REEP3: variants seen among roughly 807,000 people sequenced by gnomAD.
REEP3 encodes the protein receptor accessory protein 3.
In REEP3, 20 loss-of-function variants were observed where a neutral mutation model predicts 41.3. That is an observed-to-expected ratio of 0.48 (90% CI 0.34 to 0.70). The LOEUF is 0.70. Ranked by LOEUF, REEP3 falls within the 30% of genes least tolerant of loss-of-function variation. The probability of loss-of-function intolerance (pLI) is 0.01; values close to 1 mark genes in which losing one functional copy is unlikely to be tolerated. For synonymous variants in REEP3, 104 were observed against 101.8 expected, an observed-to-expected ratio of 1.02 and a Z score of -0.13; for missense variants, 271 against 308.8, an observed-to-expected ratio of 0.88 and a Z score of 0.92.
intron 1 of REEP3, among the ~76,000 whole-genome samples, chr10:63,556,829 G>T (rs1029456908): frequency 1.3e-5 from 2 of 150,136 alleles, no homozygotes; most frequent in Non-Finnish European, 1.5e-5. Flanking sequence ...TAGAGACGGG[G>T]TTTCACCGTT....
intron 6 of REEP3, among the ~76,000 whole-genome samples, chr10:63,618,470 A>AT (rs1956329525): frequency 6.6e-6 from 1 of 150,660 alleles, no homozygotes; most frequent in African/African-American, 2.4e-5. Context: ...GATGGTCTTG[A>AT]TCTCCTGACC....
At chr10:63,585,728 T>C (rs1314856466) in intron 2 of REEP3, among the ~76,000 whole-genome samples, 3 of 152,216 alleles carry the variant, frequency 2.0e-5, no homozygotes, top group South Asian at 2.1e-4. Context: ...TCACTGGTCA[T>C]AGCATAACAA....
At chr10:63,524,980 C>A (rs933718207) in intron 1 of REEP3, among the ~76,000 whole-genome samples, 3 of 149,886 alleles carry the variant, frequency 2.0e-5, no homozygotes, top group African/African-American at 7.4e-5. Context: ...CCACTGCACT[C>A]CAGCCTGGGC....
chr10:63,595,669 C>T (rs868654579), intron 3 of REEP3, among the ~76,000 whole-genome samples: 2 of 152,038 alleles, frequency 1.3e-5, no homozygotes, highest in African/African-American at 2.4e-5. Flanking sequence ...CTCTACCTCC[C>T]GGGTTCAAGC....
chr10:63,586,057 T>G (rs1265111116), intron 2 of REEP3, among the ~76,000 whole-genome samples: 1 of 152,244 alleles, frequency 6.6e-6, no homozygotes, highest in African/African-American at 2.4e-5. Context: ...AAGCTAACTC[T>G]TCATTTGGCA....
At chr10:63,561,500 C>T (rs1955739005) in intron 1 of REEP3, among the ~76,000 whole-genome samples, 1 of 152,182 alleles carries the variant, frequency 6.6e-6, no homozygotes, top group Non-Finnish European at 1.5e-5. Context: ...CATGTTGGAA[C>T]AGATGGTTTA....
At chr10:63,544,825 GA>G (rs1476498892) in intron 1 of REEP3, among the ~76,000 whole-genome samples, 2 of 152,008 alleles carry the variant, frequency 1.3e-5, no homozygotes, top group Admixed American at 6.6e-5. Flanking sequence ...ACTGCTATTG[GA>G]AAAAAATACC....
rs1197748825 is a variant in REEP3 at position 63,598,112 on chromosome 10, T to A, written c.271T>A (p.Phe91Ile). 3.1e-6 allele frequency: 5 copies of A among 1,590,546 alleles called. No individual in the cohort carries two copies. In the South Asian group the frequency reaches 4.4e-5, roughly 14 times the overall value. The change falls in exon 4 of 8, where the codon TTC becomes ATC. Residue 91 changes from phenylalanine (F) to isoleucine (I), a missense_variant. Coordinates refer to ENST00000373758, the MANE Select transcript of REEP3 (RefSeq NM_001001330.3). ...TKGASLIYRK[F>I]LHPLLSSKER... Reference sequence around the variant, plus strand: ...AGGAGCAAGTTTAATATATAGAAAATTCCTTCATCCACTTCTTTCTTCAAA... The same window carrying A: ...AGGAGCAAGTTTAATATATAGAAAAATCCTTCATCCACTTCTTTCTTCAAA...
chr10:63,618,307 G>A (rs562455232), intron 6 of REEP3, among the ~76,000 whole-genome samples: 61 of 135,142 alleles, frequency 4.5e-4, no homozygotes, highest in African/African-American at 1.3e-3. Context: ...GTGCAGTGGC[G>A]CGATCTCAGC....
rs67364276 is a variant in REEP3 at position 63,603,312 on chromosome 10, CA to C, written c.417+4051del. On this transcript the variant is annotated intron_variant, in intron 5 of 7. Transcript: ENST00000373758. ...TGGGTGAGAGTGCAAGACTCTGTCTCAAAAAAAAAAAAAAAAAAAAAAGACC... is the reference window on the plus strand; with the variant it reads ...TGGGTGAGAGTGCAAGACTCTGTCTCAAAAAAAAAAAAAAAAAAAAAGACC... Among the ~76,000 whole-genome samples the C allele has an allele frequency of 7.6e-4, 48 of 62,846 alleles. 1 individual carries two copies. Among genetic ancestry groups the C allele is most frequent in the East Asian group, 6.7e-3 (13 of 1,948 alleles). The allele number at this position is 62,846 out of a possible 152,430, so 41.2% of individuals were successfully genotyped here.
intron 2 of REEP3, among the ~76,000 whole-genome samples, chr10:63,576,578 C>A (rs1955900480): frequency 6.6e-6 from 1 of 152,212 alleles, no homozygotes; most frequent in South Asian, 2.1e-4. Flanking sequence ...TCTTCAATGA[C>A]CCTGTTTCCA....
At chr10:63,584,850 A>G (rs922830211) in intron 2 of REEP3, among the ~76,000 whole-genome samples, 3 of 152,168 alleles carry the variant, frequency 2.0e-5, no homozygotes, top group African/African-American at 7.2e-5. Context: ...GGTGGTCTGA[A>G]ATTCAGCAGT....
intron 1 of REEP3, among the ~76,000 whole-genome samples, chr10:63,533,710 C>CTTTTTATTTTTTTTTTTTTT (rs1955446949): frequency 9.9e-6 from 1 of 101,068 alleles, no homozygotes; most frequent in African/African-American, 3.3e-5. Context: ...GTATGTAAAT[C>CTTTTTATTTTTTTTTTTTTT]TTTTTTTTTT....
chr10:63,555,454 G>A (rs964094849), intron 1 of REEP3, among the ~76,000 whole-genome samples: 2 of 152,160 alleles, frequency 1.3e-5, no homozygotes, highest in Non-Finnish European at 2.9e-5. Flanking sequence ...CATGACCTTT[G>A]CTACCTGATG....
At chr10:63,558,058 ACTT>A (rs1174014798) in intron 1 of REEP3, among the ~76,000 whole-genome samples, 8 of 152,222 alleles carry the variant, frequency 5.3e-5, no homozygotes, top group Non-Finnish European at 8.8e-5. Context: ...GTATTTCTCT[ACTT>A]CTTATGGATT....
At chr10:63,592,454 T>A (rs1359465953) in intron 2 of REEP3, among the ~76,000 whole-genome samples, 1 of 152,182 alleles carries the variant, frequency 6.6e-6, no homozygotes. Context: ...TTGTTTTCGG[T>A]AAAGGGTTGT....
At chr10:63,610,490 G>A (rs1370537348) in intron 6 of REEP3, among the ~76,000 whole-genome samples, 156 bp downstream of exon 6, 1 of 151,986 alleles carries the variant, frequency 6.6e-6, no homozygotes, top group African/African-American at 2.4e-5. Flanking sequence ...ATGATGGGTT[G>A]GTAGATGCAG....
intron 1 of REEP3, among the ~76,000 whole-genome samples, chr10:63,532,588 G>A (rs986714971): frequency 4.6e-5 from 7 of 151,830 alleles, no homozygotes; most frequent in Admixed American, 1.3e-4. Flanking sequence ...CCCAGGAGGC[G>A]GAGCTCGCAG....
chr10:63,589,803 TTTTTTTTTG>T (rs1218910751), intron 2 of REEP3, among the ~76,000 whole-genome samples: 6 of 140,116 alleles, frequency 4.3e-5, no homozygotes, highest in Non-Finnish European at 7.8e-5. Flanking sequence ...TTTTTTTTTT[TTTTTTTTTG>T]GAAACGGAGT....
Sources: allele counts gnomAD v4.1 joint callset (sites outside exome capture counted in the v4.1 genomes callset), GRCh38; gene constraint gnomAD v4.1.1; transcripts MANE v1.5; gene names NCBI Gene and HGNC (gene_info 2026-07-23, HGNC 2026-07-21).